LNX2: variants seen among roughly 807,000 people sequenced by gnomAD.
LNX2 encodes the protein ligand of Numb protein X 2.
Under a neutral mutation model 66.2 loss-of-function variants are expected in LNX2, and 35 were observed. The ratio of observed to expected loss-of-function variants is 0.53; its 90% CI spans 0.40 to 0.70. LNX2 has a LOEUF of 0.70. Among genes scored for constraint, LNX2 ranks in the 30% least tolerant of loss-of-function variants. The probability of loss-of-function intolerance (pLI) is 0.00; values close to 1 mark genes in which losing one functional copy is unlikely to be tolerated. For missense variants in LNX2, 791 were observed against 850.8 expected (o/e 0.93, Z 0.87); for synonymous variants, 337 against 315.6 (o/e 1.07, Z -0.72).
intron 1 of LNX2, among the ~76,000 whole-genome samples, chr13:27,589,567 C>A (rs1049437433): frequency 1.1e-4 from 16 of 151,972 alleles, no homozygotes; most frequent in African/African-American, 2.2e-4. Context: ...AAATTTTAAA[C>A]CCCCTTCACC....
rs1420597175 is a variant in LNX2, at chr13:27,546,869, T to C, written c.*1466A>G. 6.6e-6 allele frequency: 1 copy of C among 152,148 alleles called. No homozygotes were observed. Among genetic ancestry groups the C allele is most frequent in the East Asian group, 1.9e-4 (1 of 5,206 alleles). The allele number at this position is 152,148 out of a possible 1,614,324, so 9.4% of individuals were successfully genotyped here. On this transcript the variant is annotated 3_prime_UTR_variant, in exon 10 of 10. Coordinates refer to ENST00000316334, the MANE Select transcript of LNX2 (RefSeq NM_153371.4). ...TATTTATGTGTTCAGAGGATAAGTA[T>C]GTTGAATAAAGGACAAAAAATGGGC... is the stretch of plus-strand genomic sequence containing the variant.
chr13:27,563,708 T>G (rs1955170183), intron 4 of LNX2, among the ~76,000 whole-genome samples: 1 of 152,158 alleles, frequency 6.6e-6, no homozygotes, highest in African/African-American at 2.4e-5. Flanking sequence ...GAGTTAGGTG[T>G]TTATGATCAC....
At chr13:27,618,865 C>A (rs1955856162) in intron 1 of LNX2, among the ~76,000 whole-genome samples, 1 of 152,318 alleles carries the variant, frequency 6.6e-6, no homozygotes, top group East Asian at 1.9e-4. Flanking sequence ...AAATCCCAAA[C>A]CAATCTGAAG....
In LNX2 at chr13:27,567,948, T is replaced by C. The variant is rs1955227012; in HGVS notation, c.656-109A>G. On this transcript the variant is annotated intron_variant, in intron 3 of 9. Coordinates refer to ENST00000316334, the MANE Select transcript of LNX2 (RefSeq NM_153371.4). ...GTAAGTATGTCACATTAATACATGA[T>C]TAACAGCTAAGCAGTATCACTGGAT... 4 of 847,086 alleles carry C rather than the reference T, an allele frequency of 4.7e-6. No individual in the cohort carries two copies. The South Asian group carries it at 5.8e-5, about 12-fold the overall frequency. 52.5% of individuals were successfully genotyped at this position (847,086 alleles called of 1,614,324 possible). A position where few individuals can be genotyped will look rare whatever the true frequency, so the allele number is the denominator to read the frequency against.
At chr13:27,606,221 C>T (rs572704891) in intron 1 of LNX2, among the ~76,000 whole-genome samples, 1 of 151,948 alleles carries the variant, frequency 6.6e-6, no homozygotes, top group East Asian at 1.9e-4. Flanking sequence ...ATTAGTGTAC[C>T]AAATATGTTT....
intron 1 of LNX2, among the ~76,000 whole-genome samples, chr13:27,584,975 G>A (rs192608240): frequency 1.5e-4 from 23 of 151,828 alleles, no homozygotes; most frequent in African/African-American, 4.8e-4. Flanking sequence ...AAAATTAGCC[G>A]GCTATGGTGG....
chr13:27,565,282 T>TAA (rs1260244154), intron 4 of LNX2, among the ~76,000 whole-genome samples: 1 of 152,178 alleles, frequency 6.6e-6, no homozygotes, highest in East Asian at 1.9e-4. Flanking sequence ...ACAAATCTGT[T>TAA]ATATTCAAAG....
At chr13:27,574,031 G>A (rs1280196125) in intron 2 of LNX2, among the ~76,000 whole-genome samples, 2 of 151,434 alleles carry the variant, frequency 1.3e-5, no homozygotes, top group African/African-American at 2.4e-5. Context: ...GTTCAAAGAA[G>A]TAAAGGAAAC....
At chr13:27,570,488 A>G (rs1955265989) in intron 2 of LNX2, among the ~76,000 whole-genome samples, 1 of 152,082 alleles carries the variant, frequency 6.6e-6, no homozygotes, top group South Asian at 2.1e-4. Flanking sequence ...ATCTTTATTC[A>G]CCTTTCTCTC....
rs114122364 is a variant in LNX2 at position 27,550,577 on chromosome 13, T to C, written c.1779-86A>G. The C allele has an allele frequency of 8.2e-4, 772 of 941,556 alleles. 3 individuals carry two copies. The African/African-American group carries it at 0.012, about 14-fold the overall frequency. 58.3% of individuals were successfully genotyped at this position (941,556 alleles called of 1,614,324 possible). A position where few individuals can be genotyped will look rare whatever the true frequency, so the allele number is the denominator to read the frequency against. Reference sequence around the variant, plus strand: ...TTTGTTATAACCCCATACCATGTTATATTTACCACTCTTGGAAAAAAGAAA... The same window carrying C: ...TTTGTTATAACCCCATACCATGTTACATTTACCACTCTTGGAAAAAAGAAA... On this transcript the variant is annotated intron_variant, in intron 8 of 9. Transcript: ENST00000316334.
At chr13:27,576,794 TC>T (rs1313581119) in intron 2 of LNX2, among the ~76,000 whole-genome samples, 1 of 151,958 alleles carries the variant, frequency 6.6e-6, no homozygotes, top group Non-Finnish European at 1.5e-5. Context: ...TTATGATTTC[TC>T]ATTGCAATTA....
Position 27,556,257 on chromosome 13 carries a change from G to A in LNX2, c.1525C>T (p.Arg509Ter), listed in dbSNP as rs1330280485. ...TSVPPHGCLARDGRIKRGDVL... is the reference protein window; with the variant it reads ...TSVPPHGCLA ...TTACCTCTCTTTATTCTGCCATCTC[G>A]TGCAAGGCAGCCATGGGGTGGCACA... Residue 509 changes from arginine to a stop codon, truncating the protein, a stop_gained, in exon 7 of 10, where the codon CGA becomes TGA. Transcript: ENST00000316334. LOFTEE classifies it high-confidence loss of function. 3.7e-6 allele frequency: 6 copies of A among 1,613,688 alleles called. No homozygotes were observed. Among genetic ancestry groups the A allele is most frequent in the East Asian group, 2.2e-5 (1 of 44,862 alleles).
intron 1 of LNX2, among the ~76,000 whole-genome samples, chr13:27,583,210 G>C (rs1190416946): frequency 0.085 from 1,878 of 22,072 alleles, 521 homozygotes; most frequent in African/African-American, 0.35. Context: ...GTGTGTGTGT[G>C]TGTGTGTGTG....
chr13:27,563,361 T>C (rs902753624), intron 4 of LNX2, among the ~76,000 whole-genome samples: 2 of 152,240 alleles, frequency 1.3e-5, no homozygotes, highest in African/African-American at 2.4e-5. Flanking sequence ...GAAAACCAGG[T>C]TAATTGTAAT....
At chr13:27,595,865 C>T (rs553156121) in intron 1 of LNX2, among the ~76,000 whole-genome samples, 5 of 152,280 alleles carry the variant, frequency 3.3e-5, no homozygotes, top group African/African-American at 1.2e-4. Flanking sequence ...CTCTTTTCTC[C>T]CTGGCCCCCA....
chr13:27,595,167 T>C (rs539730311), intron 1 of LNX2, among the ~76,000 whole-genome samples: 41 of 152,336 alleles, frequency 2.7e-4, no homozygotes, highest in African/African-American at 9.9e-4. Context: ...GCCTGGAATG[T>C]CCTTTCCTAC....
chr13:27,598,270 A>G (rs17811943), intron 1 of LNX2, among the ~76,000 whole-genome samples: 4,924 of 152,160 alleles, frequency 0.032, 107 homozygotes, highest in Middle Eastern at 0.079. Context: ...TCAAAGTCCA[A>G]TTACCTAAAG....
At chr13:27,617,941 G>C (rs1226025822) in intron 1 of LNX2, among the ~76,000 whole-genome samples, 1 of 152,154 alleles carries the variant, frequency 6.6e-6, no homozygotes, top group Non-Finnish European at 1.5e-5. Flanking sequence ...CTGAGCACTT[G>C]GAATGTGCTA....
chr13:27,573,223 C>A (rs986020248), intron 2 of LNX2, among the ~76,000 whole-genome samples: 1 of 152,168 alleles, frequency 6.6e-6, no homozygotes, highest in Non-Finnish European at 1.5e-5. Flanking sequence ...CTGGCAGACA[C>A]TGGAAGAGCA....
Sources: gnomAD v4.1 joint callset for allele counts (sites outside exome capture counted in the v4.1 genomes callset) on GRCh38, gnomAD v4.1.1 for gene constraint, MANE v1.5 for transcripts, NCBI Gene and HGNC (gene_info 2026-07-23, HGNC 2026-07-21) for gene names.